CALCR: variants seen among roughly 807,000 people sequenced by gnomAD.
CALCR encodes calcitonin receptor.
Under a neutral mutation model 59.5 loss-of-function variants are expected in CALCR, and 47 were observed. That is an observed-to-expected ratio of 0.79 (90% CI 0.63 to 1.01). CALCR has a LOEUF of 1.01. CALCR is among the 50% of genes least tolerant of loss of function. CALCR has a pLI of 0.00. For missense variants in CALCR, 566 were observed against 597.1 expected, an observed-to-expected ratio of 0.95 and a Z score of 0.54; for synonymous variants, 213 against 211.3, an observed-to-expected ratio of 1.01 and a Z score of -0.07.
At position 93,426,585 on chromosome 7, in the gene CALCR, T is replaced by C; in HGVS notation, c.1196A>G (p.Gln399Arg). The change falls in exon 14 of 14, where the codon CAA becomes CGA. Residue 399 changes from glutamine to arginine, a missense_variant. By Grantham distance (43) the Gln-to-Arg change is conservative (BLOSUM62 1). Transcript: ENST00000426151. ...GGCCCATTGGCGCTTCACGGTGGTTTGGACCTGGAAGAGAAAAAGGAGCCT... is the reference window on the plus strand; with the variant it reads ...GGCCCATTGGCGCTTCACGGTGGTTCGGACCTGGAAGAGAAAAAGGAGCCT... The part of the protein sequence containing the change: ...TIYCFCNNEV[Q>R]TTVKRQWAQF... The C allele has an allele frequency of 6.3e-7, 1 of 1,579,690 alleles. No homozygotes were observed. Among genetic ancestry groups the C allele is most frequent in the Non-Finnish European group, 8.7e-7 (1 of 1,155,338 alleles).
chr7:93,441,073 T>C (rs1293393844), intron 9 of CALCR, among the ~76,000 whole-genome samples: 2 of 152,166 alleles, frequency 1.3e-5, no homozygotes, highest in Admixed American at 6.5e-5. Context: ...TCTATGATGA[T>C]GCCAAAAAGT....
intron 2 of CALCR, among the ~76,000 whole-genome samples, chr7:93,563,470 T>A (rs2116272806): frequency 6.6e-6 from 1 of 152,208 alleles, no homozygotes. Context: ...TTTAAAAGAG[T>A]AAAGCAGATT....
chr7:93,573,489 G>T (rs1014755643), intron 2 of CALCR, among the ~76,000 whole-genome samples: 1 of 152,162 alleles, frequency 6.6e-6, no homozygotes, highest in Non-Finnish European at 1.5e-5. Flanking sequence ...GTGAAACCCT[G>T]CGTTCTCTTC....
chr7:93,441,297 T>G (rs143627289), intron 9 of CALCR, among the ~76,000 whole-genome samples: 1 of 152,086 alleles, frequency 6.6e-6, no homozygotes, highest in Admixed American at 6.6e-5. Flanking sequence ...AGGAAATAAA[T>G]CTGGCAGAAA....
At chr7:93,436,511 T>C (rs1395643551) in intron 11 of CALCR, among the ~76,000 whole-genome samples, 3 of 152,216 alleles carry the variant, frequency 2.0e-5, no homozygotes, top group Non-Finnish European at 4.4e-5. Context: ...ATTTTCCTGA[T>C]GATACATGAG....
intron 2 of CALCR, 21 bp from the exon 3 acceptor site, chr7:93,487,028 CA>C: frequency 1.5e-6 from 2 of 1,297,802 alleles, no homozygotes; most frequent in South Asian, 1.3e-5. Context: ...ATAAAAGCAA[CA>C]AAGACTAAAA....
At chr7:93,437,736 T>A (rs958973421) in intron 11 of CALCR, among the ~76,000 whole-genome samples, 1 of 152,168 alleles carries the variant, frequency 6.6e-6, no homozygotes, top group Non-Finnish European at 1.5e-5. Flanking sequence ...CCCTAGATGT[T>A]CATAACACAA....
At chr7:93,445,929 C>T (rs932377675) in intron 8 of CALCR, among the ~76,000 whole-genome samples, 1 of 151,894 alleles carries the variant, frequency 6.6e-6, no homozygotes, top group Non-Finnish European at 1.5e-5. Context: ...ACTAAATAGA[C>T]CACAAAAAGG....
chr7:93,539,672 C>T (rs187653502), intron 2 of CALCR, among the ~76,000 whole-genome samples: 48 of 152,136 alleles, frequency 3.2e-4, no homozygotes, highest in Admixed American at 1.8e-3. Flanking sequence ...TTACCTAACG[C>T]CTCTGAAAGG....
At chr7:93,449,280 G>C (rs554266243) in intron 8 of CALCR, among the ~76,000 whole-genome samples, 8 of 152,062 alleles carry the variant, frequency 5.3e-5, no homozygotes, top group African/African-American at 1.9e-4. Context: ...TACTTGAACA[G>C]GTGAAGAAGA....
intron 2 of CALCR, among the ~76,000 whole-genome samples, chr7:93,568,304 G>GT (rs1286882274): frequency 6.6e-6 from 1 of 152,112 alleles, no homozygotes; most frequent in African/African-American, 2.4e-5. Context: ...TAAGGCAGGC[G>GT]TCTCAAACTG....
Position 93,460,593 on chromosome 7 carries a change from G to GTATATA in CALCR, c.648+222_648+227dup, listed in dbSNP as rs368578654. Among the ~76,000 whole-genome samples the GTATATA allele has an allele frequency of 3.5e-3, 309 of 89,350 alleles. 5 individuals carry two copies. The highest frequency in any genetic ancestry group is 0.014 in the Middle Eastern group (2 of 144). 58.6% of individuals were successfully genotyped at this position (89,350 alleles called of 152,430 possible). A position where few individuals can be genotyped will look rare whatever the true frequency, so the allele number is the denominator to read the frequency against. On this transcript the variant is annotated intron_variant, in intron 8 of 13. Coordinates refer to ENST00000426151, the MANE Select transcript of CALCR (RefSeq NM_001742.4). ...AAAAAATATATATATATATATATATGTATATATATATATATATATGGTTTG... is the reference window on the plus strand; with the variant it reads ...AAAAAATATATATATATATATATATGTATATATATATATATATATATATATGGTTTG...
intron 3 of CALCR, among the ~76,000 whole-genome samples, chr7:93,484,622 G>A (rs1206394839): frequency 6.6e-6 from 1 of 151,766 alleles, no homozygotes; most frequent in Non-Finnish European, 1.5e-5. Context: ...GGTTTTCCCA[G>A]GTAAGATCAG....
At chr7:93,435,731 G>A (rs904815465) in intron 12 of CALCR, among the ~76,000 whole-genome samples, 6 of 151,558 alleles carry the variant, frequency 4.0e-5, no homozygotes, top group African/African-American at 1.2e-4. Flanking sequence ...GCTTGAGCCC[G>A]GGAGATGGAG....
At chr7:93,468,837 A>AACAAACAAACAT in intron 6 of CALCR, 31 bp from the exon 7 acceptor site, 1 of 1,230,044 alleles carries the variant, frequency 8.1e-7, no homozygotes, top group Non-Finnish European at 1.2e-6. Flanking sequence ...CAAACAAACA[A>AACAAACAAACAT]TGAATGAATG....
At position 93,426,609 on chromosome 7, in the gene CALCR, C is replaced by T; in HGVS notation, c.1192-20G>A. ...TTGGACCTGGAAGAGAAAAAGGAGC[C>T]TTGTTTTTATATGATAGTCAGAAAT... On this transcript the variant is annotated intron_variant, in intron 13 of 13. Coordinates refer to ENST00000426151, the MANE Select transcript of CALCR (RefSeq NM_001742.4). 2.3e-6 allele frequency: 3 copies of T among 1,323,150 alleles called. No homozygotes were observed. The highest frequency in any genetic ancestry group is 3.2e-6 in the Non-Finnish European group (3 of 933,648). 82.0% of individuals were successfully genotyped at this position (1,323,150 alleles called of 1,614,324 possible). A position where few individuals can be genotyped will look rare whatever the true frequency, so the allele number is the denominator to read the frequency against.
At chr7:93,464,359 T>C (rs1445121553) in intron 7 of CALCR, among the ~76,000 whole-genome samples, 1 of 151,954 alleles carries the variant, frequency 6.6e-6, no homozygotes, top group Admixed American at 6.6e-5. Context: ...GTAAAAGTTG[T>C]TTTGAAGTTA....
intron 2 of CALCR, among the ~76,000 whole-genome samples, chr7:93,571,472 T>C (rs1790002705): frequency 6.6e-6 from 1 of 152,168 alleles, no homozygotes; most frequent in Non-Finnish European, 1.5e-5. Flanking sequence ...TTAACTCATT[T>C]AATTCTTATT....
intron 2 of CALCR, among the ~76,000 whole-genome samples, chr7:93,496,426 T>G (rs1216769944): frequency 6.6e-6 from 1 of 151,514 alleles, no homozygotes; most frequent in Non-Finnish European, 1.5e-5. Context: ...AAATGCTCTT[T>G]TAGCTCAATG....
Sources: gnomAD v4.1 joint callset for allele counts (sites outside exome capture counted in the v4.1 genomes callset) on GRCh38, gnomAD v4.1.1 for gene constraint, MANE v1.5 for transcripts, NCBI Gene and HGNC (gene_info 2026-07-23, HGNC 2026-07-21) for gene names.